The following CHD7 variants were observed in gnomAD, a reference collection of about 807,000 sequenced individuals.
The protein encoded by CHD7 is chromodomain helicase DNA binding protein 7.
Under a neutral mutation model 307.3 loss-of-function variants are expected in CHD7, and 24 were observed. The observed-to-expected ratio is 0.08, with a 90% CI of 0.06 to 0.11. CHD7 has a LOEUF of 0.11. Among genes scored for constraint, CHD7 ranks in the 10% least tolerant of loss-of-function variants. The pLI is 1.00. For missense variants in CHD7, 3,106 were observed against 3,727.1 expected (o/e 0.83, Z 4.34); for synonymous variants, 1,363 against 1,349.9 (o/e 1.01, Z -0.21).
At chr8:60,794,532 G>A (rs1469759404) in intron 3 of CHD7, among the ~76,000 whole-genome samples, 1 of 152,004 alleles carries the variant, frequency 6.6e-6, no homozygotes, top group Non-Finnish European at 1.5e-5. Flanking sequence ...GTAACTGGAT[G>A]GTATAAAAGA....
intron 1 of CHD7, among the ~76,000 whole-genome samples, chr8:60,725,093 G>A (rs1407611644): frequency 2.0e-5 from 3 of 152,196 alleles, no homozygotes. Flanking sequence ...TAGTCACAGC[G>A]ATAAGCCCTG....
chr8:60,865,294 C>T lies in CHD7; in HGVS notation c.8355C>T (p.Ala2785=), dbSNP rs370131873. The T allele has an allele frequency of 4.0e-5, 65 of 1,609,890 alleles. 1 individual carries two copies. Among genetic ancestry groups the T allele is most frequent in the South Asian group, 8.9e-5 (8 of 90,322 alleles). ...CAGGACTGGCAACAGCTGCCACCGC[C>T]GGAGGCGATGCGAAGAACCCTGCTG... ...FPPGLATAAT[A]GGDAKNPAAV... Residue 2785 remains alanine, a synonymous_variant, in exon 38 of 38, where the codon GCC becomes GCT. Coordinates refer to ENST00000423902, the MANE Select transcript of CHD7 (RefSeq NM_017780.4). This position sits in a 1 kb window ranked among gnomAD's most constrained non-coding sequence, Gnocchi z 4.3.
In CHD7 at chr8:60,836,904, G is replaced by A. The variant is rs1804768122; in HGVS notation, c.4077G>A (p.Arg1359=). The A allele has an allele frequency of 1.2e-6, 2 of 1,613,744 alleles. No homozygotes were observed. The highest frequency in any genetic ancestry group is 1.7e-5 in the Admixed American group (1 of 59,990). Residue 1359 remains arginine (R), a synonymous_variant, in exon 17 of 38, where the codon AGG becomes AGA. Transcript: ENST00000423902. ...IDRFSKPDSD[R]FVFLLCTRAG... is the part of the protein sequence containing the mutation. ...GATTCTCCAAACCTGATTCTGATAG[G>A]TTTGTTTTCCTCCTGTGTACAAGGG... is the stretch of plus-strand genomic sequence containing the variant.
intron 26 of CHD7, 62 bp from the exon 27 acceptor site, chr8:60,850,969 AC>A (rs879535993): frequency 3.5e-6 from 4 of 1,157,744 alleles, no homozygotes; most frequent in South Asian, 1.5e-5. Context: ...TTTCCTACCC[AC>A]CCCCCTTCCT....
At chr8:60,864,610 A>G (rs1307774397) in intron 37 of CHD7, 2 of 210,698 alleles carry the variant, frequency 9.5e-6, no homozygotes, top group Middle Eastern at 4.1e-3. Flanking sequence ...AAACAATGTG[A>G]TTATACTCTT....
At position 60,821,896 on chromosome 8, in the gene CHD7, T is replaced by G; in HGVS notation, c.2804T>G (p.Leu935Arg). Residue 935 changes from leucine (L) to arginine (R), a missense_variant, in exon 10 of 38, where the codon CTA becomes CGA. By Grantham distance (102) the Leu-to-Arg change is moderately radical. This residue lies in a region of CHD7 where 188 missense variants were observed against 261.7 expected (regional missense o/e 0.72). Coordinates refer to ENST00000423902, the MANE Select transcript of CHD7 (RefSeq NM_017780.4). ...GCAAAGATCGAGGAGTTTGAGAAAC[T>G]AATGTCCAGGGAGCCGGAAACAGAG... ...DQAKIEEFEK[L>R]MSREPETERV... 1 of 1,612,362 alleles carries G rather than the reference T, an allele frequency of 6.2e-7. No individual in the cohort carries two copies. The highest frequency in any genetic ancestry group is 1.1e-5 in the South Asian group (1 of 90,778).
At chr8:60,732,586 TA>T (rs776896409) in intron 1 of CHD7, among the ~76,000 whole-genome samples, 1 of 152,174 alleles carries the variant, frequency 6.6e-6, no homozygotes. Flanking sequence ...TAGCTTGAAA[TA>T]AGTCTAGAAT....
chr8:60,851,934 T>A, intron 28 of CHD7, 85 bp from the exon 29 acceptor site: 1 of 896,508 alleles, frequency 1.1e-6, no homozygotes, highest in Non-Finnish European at 1.7e-6. Flanking sequence ...CATTTGAATC[T>A]TAATGAGTCA....
chr8:60,741,023 TA>T (rs1165945413), intron 1 of CHD7, among the ~76,000 whole-genome samples: 1 of 152,238 alleles, frequency 6.6e-6, no homozygotes, highest in Non-Finnish European at 1.5e-5. Flanking sequence ...AATTTAAGGT[TA>T]AGGTTAGTGT....
intron 1 of CHD7, among the ~76,000 whole-genome samples, chr8:60,713,398 C>T (rs1807387273): frequency 7.0e-6 from 1 of 143,684 alleles, no homozygotes; most frequent in African/African-American, 2.4e-5. Context: ...GCGTGAGCCA[C>T]TGCGCCCGGC....
Position 60,741,857 on chromosome 8 carries a change from G to C in CHD7, c.425G>C (p.Ser142Thr), listed in dbSNP as rs766134825. The change falls in exon 2 of 38, where the codon AGC becomes ACC. Residue 142 changes from serine to threonine, a missense_variant. Transcript: ENST00000423902. ...CATGGGCAATCCTTTGTGGACAGCAGCTCCATGTGGGGCCCCAGGGCTGTT... is the reference window on the plus strand; with the variant it reads ...CATGGGCAATCCTTTGTGGACAGCACCTCCATGTGGGGCCCCAGGGCTGTT... Reference protein sequence around the residue: ...ERHGQSFVDSSSMWGPRAVQV... With the variant: ...ERHGQSFVDSTSMWGPRAVQV... 7.4e-6 allele frequency: 12 copies of C among 1,613,898 alleles called. 1 individual carries two copies. In the South Asian group the frequency reaches 7.7e-5, roughly 10 times the overall value.
intron 1 of CHD7, among the ~76,000 whole-genome samples, chr8:60,729,053 T>G (rs1338772257): frequency 1.3e-5 from 2 of 152,236 alleles, no homozygotes; most frequent in Non-Finnish European, 2.9e-5. Flanking sequence ...TTCTGAAAGG[T>G]TAAAAGCTAC....
At chr8:60,710,399 C>A (rs1372577309) in intron 1 of CHD7, among the ~76,000 whole-genome samples, 1 of 152,140 alleles carries the variant, frequency 6.6e-6, no homozygotes, top group African/African-American at 2.4e-5. Flanking sequence ...ACTCAAGACA[C>A]CCCATTTAGC....
chr8:60,800,745 T>G (rs1045936052), intron 5 of CHD7, among the ~76,000 whole-genome samples: 2 of 152,236 alleles, frequency 1.3e-5, no homozygotes, highest in African/African-American at 4.8e-5. Flanking sequence ...GATATGTAAT[T>G]TGACACAATT....
At chr8:60,696,085 G>A (rs1033140283) in intron 1 of CHD7, among the ~76,000 whole-genome samples, 1 of 152,188 alleles carries the variant, frequency 6.6e-6, no homozygotes, top group African/African-American at 2.4e-5. Context: ...AGAATATCAT[G>A]CAGGCACTGA....
chr8:60,832,084 C>T (rs1292872539), intron 15 of CHD7, among the ~76,000 whole-genome samples: 2 of 152,098 alleles, frequency 1.3e-5, no homozygotes, highest in Non-Finnish European at 2.9e-5. Flanking sequence ...TGCGGTGGCA[C>T]GATCTCGGCT....
intron 7 of CHD7, among the ~76,000 whole-genome samples, chr8:60,816,113 G>GTCTCTCTCTCTCTCTCTCTC (rs201056061): frequency 4.3e-5 from 6 of 139,236 alleles, no homozygotes; most frequent in African/African-American, 8.6e-5. Flanking sequence ...CTGTCTGTCT[G>GTCTCTCTCTCTCTCTCTCTC]TCTCTCTCTC....
intron 3 of CHD7, 139 bp downstream of exon 3, chr8:60,781,569 A>G: frequency 1.6e-6 from 2 of 1,255,832 alleles, no homozygotes; most frequent in Middle Eastern, 4.1e-4. Context: ...CCTAATATCC[A>G]AACTAAAAAG....
chr8:60,810,449 C>G (rs901502408), intron 7 of CHD7, among the ~76,000 whole-genome samples: 1 of 151,816 alleles, frequency 6.6e-6, no homozygotes, highest in Non-Finnish European at 1.5e-5. Context: ...ATTATATACA[C>G]ACACATATTT....
Sources: gnomAD v4.1 joint callset for allele counts (sites outside exome capture counted in the v4.1 genomes callset) on GRCh38, gnomAD v4.1.1 for gene constraint, gnomAD v4.1.1 regional missense constraint, Gnocchi (gnomAD v3.1) non-coding constraint, MANE v1.5 for transcripts, NCBI Gene and HGNC (gene_info 2026-07-23, HGNC 2026-07-21) for gene names.